GRAMD1B: variants seen among roughly 807,000 people sequenced by gnomAD.
GRAMD1B encodes protein Aster-B.
Under a neutral mutation model 99.7 loss-of-function variants are expected in GRAMD1B, and 37 were observed. The observed-to-expected ratio is 0.37, with a 90% CI of 0.29 to 0.49. The LOEUF is 0.49. Among genes scored for constraint, GRAMD1B ranks in the 20% least tolerant of loss-of-function variants. The pLI, the probability that GRAMD1B is intolerant of heterozygous loss-of-function variation, is 0.98. For missense variants in GRAMD1B, 888 were observed against 1,009.2 expected (o/e 0.88, Z 1.63); for synonymous variants, 427 against 387.6 (o/e 1.10, Z -1.19).
intron 1 of GRAMD1B, among the ~76,000 whole-genome samples, chr11:123,464,657 C>T (rs1167563444): frequency 6.6e-6 from 1 of 152,174 alleles, no homozygotes; most frequent in East Asian, 1.9e-4. Flanking sequence ...GAATGGGAAC[C>T]TTTTTCTTTT....
chr11:123,567,770 T>C (rs1204260431), intron 2 of GRAMD1B, among the ~76,000 whole-genome samples: 5 of 152,212 alleles, frequency 3.3e-5, no homozygotes. Context: ...GGACCTCTTC[T>C]CCTTGCCTGA....
At chr11:123,380,971 G>A (rs1481768565) in intron 1 of GRAMD1B, among the ~76,000 whole-genome samples, 2 of 151,822 alleles carry the variant, frequency 1.3e-5, no homozygotes, top group African/African-American at 4.8e-5. Context: ...ATACCTCAGG[G>A]TGCTTCTTAT....
At chr11:123,530,584 T>C (rs1042469384) in intron 2 of GRAMD1B, among the ~76,000 whole-genome samples, 7 of 152,188 alleles carry the variant, frequency 4.6e-5, no homozygotes, top group Non-Finnish European at 8.8e-5. Context: ...TTTCACCATG[T>C]TGGCCAGGCT....
intron 17 of GRAMD1B, chr11:123,618,215 C>A: frequency 1.3e-6 from 1 of 754,706 alleles, no homozygotes; most frequent in Non-Finnish European, 2.4e-6. Context: ...TGTGTCTTTG[C>A]TTCTAGTATT....
At chr11:123,568,350 G>A (rs1947634076) in intron 2 of GRAMD1B, among the ~76,000 whole-genome samples, 1 of 152,226 alleles carries the variant, frequency 6.6e-6, no homozygotes, top group Non-Finnish European at 1.5e-5. Flanking sequence ...GCTTCCATTT[G>A]TAAGGTGTCT....
At chr11:123,599,070 A>C (rs1484648375) in intron 7 of GRAMD1B, 1 of 1,012,460 alleles carries the variant, frequency 9.9e-7, no homozygotes, top group Non-Finnish European at 1.6e-6. Context: ...TGTGAACTCC[A>C]CCGAGTTTTG....
intron 1 of GRAMD1B, among the ~76,000 whole-genome samples, chr11:123,408,898 C>A (rs1472713823): frequency 2.6e-5 from 4 of 151,614 alleles, no homozygotes; most frequent in Admixed American, 2.6e-4. Flanking sequence ...AAGCAGAATG[C>A]TGCTTCTACC....
At chr11:123,512,159 A>C (rs1367722170) in intron 2 of GRAMD1B, among the ~76,000 whole-genome samples, 1 of 152,214 alleles carries the variant, frequency 6.6e-6, no homozygotes, top group African/African-American at 2.4e-5. Flanking sequence ...GACAGTGGGC[A>C]GTGGCGACCA....
chr11:123,567,719 G>C (rs850292), intron 2 of GRAMD1B, among the ~76,000 whole-genome samples: 5,184 of 152,284 alleles, frequency 0.034, 136 homozygotes, highest in Non-Finnish European at 0.05. Context: ...CAGGCAGCAG[G>C]GGGGAGTGGG....
chr11:123,438,150 C>T (rs1373470335), intron 1 of GRAMD1B, among the ~76,000 whole-genome samples: 1 of 152,194 alleles, frequency 6.6e-6, no homozygotes, highest in Non-Finnish European at 1.5e-5. Context: ...AGTTTTCTGC[C>T]AAGCAGCCTT....
intron 7 of GRAMD1B, among the ~76,000 whole-genome samples, chr11:123,599,640 T>A (rs1382722460): frequency 1.3e-5 from 2 of 152,236 alleles, no homozygotes; most frequent in Non-Finnish European, 2.9e-5. Flanking sequence ...GCCTGGCTAA[T>A]TTTTGTATTT....
chr11:123,369,233 T>C (rs1486836677), intron 1 of GRAMD1B, among the ~76,000 whole-genome samples: 1 of 151,798 alleles, frequency 6.6e-6, no homozygotes, highest in Non-Finnish European at 1.5e-5. Context: ...CCCAGGAGGT[T>C]GAGGCTGCAG....
At chr11:123,467,568 C>A (rs1207230732) in intron 1 of GRAMD1B, among the ~76,000 whole-genome samples, 2 of 151,922 alleles carry the variant, frequency 1.3e-5, no homozygotes, top group Non-Finnish European at 2.9e-5. Context: ...GAAAGAGGAG[C>A]CCTGGCATTA....
At chr11:123,389,405 C>G (rs1947194951) in intron 1 of GRAMD1B, among the ~76,000 whole-genome samples, 2 of 151,252 alleles carry the variant, frequency 1.3e-5, no homozygotes, top group South Asian at 4.2e-4. Flanking sequence ...AAAATCCCAA[C>G]TGAGGCAGCT....
chr11:123,617,588 G>A (rs548727821), intron 17 of GRAMD1B, among the ~76,000 whole-genome samples: 6 of 151,262 alleles, frequency 4.0e-5, no homozygotes, highest in African/African-American at 1.2e-4. Flanking sequence ...TGGTGTGCCG[G>A]GATATTTTAC....
At position 123,560,472 on chromosome 11, in the gene GRAMD1B, G is replaced by A. The variant is rs1946612919; in HGVS notation, c.453-16895G>A. 8 of 1,218,762 alleles carry A rather than the reference G, an allele frequency of 6.6e-6. No individual in the cohort carries two copies. The South Asian group carries it at 7.3e-5, about 11-fold the overall frequency. 75.5% of individuals were successfully genotyped at this position (1,218,762 alleles called of 1,614,324 possible). A position where few individuals can be genotyped will look rare whatever the true frequency, so the allele number is the denominator to read the frequency against. ...AAAGAAGCGCCCCCAGCTTCTGAGAGCCCTGGCCCGAGTCCCCTCCCCCGT... is the reference window on the plus strand; with the variant it reads ...AAAGAAGCGCCCCCAGCTTCTGAGAACCCTGGCCCGAGTCCCCTCCCCCGT... On this transcript the variant is annotated intron_variant, in intron 2 of 19. Transcript: ENST00000635736.
intron 2 of GRAMD1B, among the ~76,000 whole-genome samples, chr11:123,530,727 G>T (rs1226107845): frequency 6.6e-6 from 1 of 152,184 alleles, no homozygotes; most frequent in Non-Finnish European, 1.5e-5. Flanking sequence ...GGGAGCCCTA[G>T]ACATGGCCCC....
Position 123,591,661 on chromosome 11 carries a change from C to T in GRAMD1B, c.685-2421C>T, listed in dbSNP as rs1950659485. On this transcript the variant is annotated intron_variant, in intron 4 of 19. Transcript: ENST00000635736. The surrounding 1 kb of genome is among the most constrained non-coding windows in gnomAD (Gnocchi z 4.7). ...AATCTTGGAACCGAAATTATTTGAC[C>T]ATTTTAAATTGAAATAGGTGAGCCA... The T allele has an allele frequency of 2.5e-6, 1 of 395,706 alleles. No homozygotes were observed. 24.5% of individuals were successfully genotyped at this position (395,706 alleles called of 1,614,324 possible). A position where few individuals can be genotyped will look rare whatever the true frequency, so the allele number is the denominator to read the frequency against.
chr11:123,383,436 T>C (rs1166535102), intron 1 of GRAMD1B, among the ~76,000 whole-genome samples: 1 of 152,224 alleles, frequency 6.6e-6, no homozygotes, highest in Non-Finnish European at 1.5e-5. Context: ...CTGTAAAATG[T>C]TGGTAATGTT....
Sources: gnomAD v4.1 joint callset for allele counts (sites outside exome capture counted in the v4.1 genomes callset) on GRCh38, gnomAD v4.1.1 for gene constraint, Gnocchi (gnomAD v3.1) non-coding constraint, MANE v1.5 for transcripts, NCBI Gene and HGNC (gene_info 2026-07-23, HGNC 2026-07-21) for gene names.